The following JAK1 variants were observed in gnomAD, a reference collection of about 807,000 sequenced individuals.
JAK1 encodes the protein tyrosine-protein kinase JAK1.
JAK1 carries 16 observed loss-of-function variants against 136.6 expected under a neutral mutation model. That is an observed-to-expected ratio of 0.12 (90% confidence interval 0.08 to 0.18). JAK1 has a LOEUF of 0.18. Ranked by LOEUF, JAK1 falls within the 10% of genes least tolerant of loss-of-function variation. JAK1 has a pLI of 1.00. For synonymous variants in JAK1, 492 were observed against 519.5 expected (o/e 0.95, Z 0.72); for missense variants, 859 against 1,450.1 (o/e 0.59, Z 6.62).
intron 2 of JAK1, among the ~76,000 whole-genome samples, chr1:65,005,904 G>A (rs1343828343): frequency 6.6e-6 from 1 of 152,018 alleles, no homozygotes; most frequent in Non-Finnish European, 1.5e-5. Context: ...AGAATAAGTT[G>A]CCATTCCAGA....
chr1:64,834,459 G>T lies in JAK1; in HGVS notation c.*103C>A, dbSNP rs190906591. ...TATGAGTTCAGTGACTTTTTGGACAGAACACAAACTTCTTTCATTAGAAAT... is the reference window on the plus strand; with the variant it reads ...TATGAGTTCAGTGACTTTTTGGACATAACACAAACTTCTTTCATTAGAAAT... On this transcript the variant is annotated 3_prime_UTR_variant, in exon 25 of 25. Transcript: ENST00000342505. 1.3e-6 allele frequency: 1 copy of T among 769,892 alleles called. No homozygotes were observed. The highest frequency in any genetic ancestry group is 2.2e-6 in the Non-Finnish European group (1 of 450,930). 47.7% of individuals were successfully genotyped at this position (769,892 alleles called of 1,614,324 possible).
At chr1:64,924,639 T>C (rs1645551859) in intron 1 of JAK1, among the ~76,000 whole-genome samples, 2 of 152,214 alleles carry the variant, frequency 1.3e-5, no homozygotes, top group African/African-American at 2.4e-5. Flanking sequence ...AAGTGGGTGG[T>C]AGTTCTTCTA....
At chr1:64,950,233 C>A (rs1027522448) in intron 1 of JAK1, among the ~76,000 whole-genome samples, 11 of 152,150 alleles carry the variant, frequency 7.2e-5, no homozygotes, top group African/African-American at 2.2e-4. Flanking sequence ...CATGGTGAAA[C>A]CCCGTCTCTA....
intron 1 of JAK1, among the ~76,000 whole-genome samples, chr1:64,946,885 AAGG>A (rs1645997767): frequency 6.6e-6 from 1 of 152,180 alleles, no homozygotes; most frequent in Admixed American, 6.5e-5. Context: ...CAGCCTTTAA[AAGG>A]AAGGAAATTC....
intron 2 of JAK1, among the ~76,000 whole-genome samples, chr1:65,010,299 C>T (rs919868482): frequency 3.3e-5 from 5 of 152,170 alleles, no homozygotes; most frequent in Admixed American, 2.6e-4. Flanking sequence ...CGCTCTCTCT[C>T]GCACGCTCAT....
intron 1 of JAK1, among the ~76,000 whole-genome samples, chr1:64,914,283 G>T (rs1645353664): frequency 6.6e-6 from 1 of 152,198 alleles, no homozygotes; most frequent in Non-Finnish European, 1.5e-5. Context: ...CTGCCTTATG[G>T]AAAGTGAGGT....
chr1:64,905,719 T>C lies in JAK1; in HGVS notation c.-77-19378A>G, dbSNP rs138445348. ...ATCAAGTGAAAAAGTGATTTATCCATGTAACCTCCCTTACTCCTATATTTA... is the reference window on the plus strand; with the variant it reads ...ATCAAGTGAAAAAGTGATTTATCCACGTAACCTCCCTTACTCCTATATTTA... On this transcript the variant is annotated intron_variant, in intron 1 of 24. Transcript: ENST00000342505. Among the ~76,000 whole-genome samples, 11 of 152,364 alleles carry C rather than the reference T, an allele frequency of 7.2e-5. No individual in the cohort carries two copies. The East Asian group carries it at 1.7e-3, about 24-fold the overall frequency.
At chr1:64,840,030 T>C (rs2100966963) in intron 19 of JAK1, among the ~76,000 whole-genome samples, 1 of 152,350 alleles carries the variant, frequency 6.6e-6, no homozygotes, top group South Asian at 2.1e-4. Context: ...CAGGTGACGA[T>C]GAACCAACTC....
chr1:65,035,348 T>C (rs1647063742), intron 2 of JAK1, among the ~76,000 whole-genome samples: 1 of 152,172 alleles, frequency 6.6e-6, no homozygotes, highest in Non-Finnish European at 1.5e-5. Context: ...TTCCTTCTCA[T>C]AATCTGATAT....
At chr1:64,842,561 C>T (rs190217355) in intron 17 of JAK1, among the ~76,000 whole-genome samples, 25 of 152,208 alleles carry the variant, frequency 1.6e-4, no homozygotes, top group Admixed American at 5.2e-4. Context: ...CACATCCCTG[C>T]GTCAGTGCAG....
intron 1 of JAK1, among the ~76,000 whole-genome samples, chr1:64,908,054 A>T (rs968168103): frequency 5.9e-5 from 9 of 152,210 alleles, no homozygotes; most frequent in African/African-American, 2.2e-4. Context: ...AAAGAAAAAA[A>T]AGTGACAAAG....
intron 17 of JAK1, among the ~76,000 whole-genome samples, chr1:64,843,658 T>C (rs565265485): frequency 5.3e-5 from 8 of 152,226 alleles, no homozygotes; most frequent in Non-Finnish European, 8.8e-5. Context: ...TATCTTATTT[T>C]ATAGTGAACC....
intron 2 of JAK1, among the ~76,000 whole-genome samples, chr1:65,010,057 T>C (rs1646835950): frequency 6.6e-6 from 1 of 152,210 alleles, no homozygotes; most frequent in Non-Finnish European, 1.5e-5. Flanking sequence ...TATCCTAGTT[T>C]TGTACTTTGG....
chr1:64,882,216 T>C (rs765429433), intron 3 of JAK1, among the ~76,000 whole-genome samples: 3 of 152,336 alleles, frequency 2.0e-5, no homozygotes, highest in Non-Finnish European at 4.4e-5. Flanking sequence ...GTGAAGATTT[T>C]AGGCAGAAAG....
At chr1:64,968,582 A>G (rs189817710), upstream of JAK1, among the ~76,000 whole-genome samples, 95 of 152,240 alleles carry the variant, frequency 6.2e-4, no homozygotes, top group African/African-American at 2.3e-3. Flanking sequence ...TGAGGCCAGG[A>G]GTTTGACACC....
Position 64,985,691 on chromosome 1 carries a change from T to G in JAK1, c.-78+58789A>C, listed in dbSNP as rs1261898809. On this transcript the variant is annotated intron_variant, in intron 2 of 25. Coordinates refer to the JAK1 transcript ENST00000671954. ...CTCCGATGTACGTGGGCACAAAACC[T>G]GTGCAGAGTCTGCAGAAGAGGCCAA... 4.2e-6 allele frequency: 3 copies of G among 717,558 alleles called. No homozygotes were observed. The Admixed American group carries it at 6.0e-5, about 14-fold the overall frequency. 44.4% of individuals were successfully genotyped at this position (717,558 alleles called of 1,614,324 possible). A position where few individuals can be genotyped will look rare whatever the true frequency, so the allele number is the denominator to read the frequency against.
chr1:64,836,120 T>C lies in JAK1; in HGVS notation c.3236A>G (p.Asp1079Gly), dbSNP rs1055212968. 1 of 1,606,690 alleles carries C rather than the reference T, an allele frequency of 6.2e-7. No homozygotes were observed. The change falls in exon 23 of 25, where the codon GAT becomes GGT. Residue 1079 changes from aspartate to glycine, a missense_variant. Around this residue, in one of 4 missense-constraint regions of JAK1, gnomAD observed 44 missense variants for 137.6 expected, o/e 0.32. Transcript: ENST00000342505. The stretch of plus-strand genomic sequence containing the variant: ...TACAGCCATGGGACTAGAATCTGAA[T>C]CACAGTAAGTCAGCAGCTCATGCAG... ...VTLHELLTYC[D>G]SDSSPMALFL...
At chr1:64,938,570 C>T (rs1242921449) in intron 1 of JAK1, among the ~76,000 whole-genome samples, 1 of 152,192 alleles carries the variant, frequency 6.6e-6, no homozygotes, top group Non-Finnish European at 1.5e-5. Flanking sequence ...TTTTATTGCT[C>T]CGCTTCCCTT....
At chr1:64,920,424 CA>C (rs1295411912) in intron 1 of JAK1, among the ~76,000 whole-genome samples, 1 of 151,778 alleles carries the variant, frequency 6.6e-6, no homozygotes, top group African/African-American at 2.4e-5. Flanking sequence ...CCTGTAGTCC[CA>C]GCTACTTGGG....
Sources: gnomAD v4.1 joint callset for allele counts (sites outside exome capture counted in the v4.1 genomes callset) on GRCh38, gnomAD v4.1.1 for gene constraint, gnomAD v4.1.1 regional missense constraint, MANE v1.5 for transcripts, NCBI Gene and HGNC (gene_info 2026-07-23, HGNC 2026-07-21) for gene names.